Variants in USP45 observed in about 807,000 individuals in gnomAD.
USP45 encodes the protein ubiquitin carboxyl-terminal hydrolase 45.
Under a neutral mutation model 95.8 loss-of-function variants are expected in USP45, and 89 were observed. The observed-to-expected ratio is 0.93, with a 90% CI of 0.78 to 1.11. The LOEUF (loss-of-function observed/expected upper bound fraction) is 1.11. USP45 is among the 50% of genes least tolerant of loss of function. The pLI is 0.00. For missense variants in USP45, 898 were observed against 942.5 expected (o/e 0.95, Z 0.62); for synonymous variants, 281 against 316.2 (o/e 0.89, Z 1.18).
intron 8 of USP45, chr6:99,482,143 T>G (rs921380573): frequency 3.3e-5 from 5 of 152,218 alleles, no homozygotes; most frequent in African/African-American, 1.2e-4. Flanking sequence ...GTGAGTTCCA[T>G]GAGGACAGGG....
chr6:99,515,488 C>A (rs1001134031), upstream of USP45: 1 of 152,140 alleles, frequency 6.6e-6, no homozygotes, highest in African/African-American at 2.4e-5. Context: ...CGCCCGCCCC[C>A]AGCCAGGACC....
At chr6:99,437,639 G>A (rs149859487) in intron 16 of USP45, among the ~76,000 whole-genome samples, 1 of 152,266 alleles carries the variant, frequency 6.6e-6, no homozygotes, top group African/African-American at 2.4e-5. Context: ...CAATCCCTAT[G>A]CAGGGATGTT....
rs1787388568 is a variant in USP45 at position 99,464,479 on chromosome 6, T to G, written c.1308+125A>C. On this transcript the variant is annotated intron_variant, in intron 13 of 17. Coordinates refer to ENST00000500704, the MANE Select transcript of USP45 (RefSeq NM_001346022.3). Reference sequence around the variant, plus strand: ...AGTATACAAGTAGCCAAGTTGATAATTATGAAGCCAAAAAATGGGTACATG... The same window carrying G: ...AGTATACAAGTAGCCAAGTTGATAAGTATGAAGCCAAAAAATGGGTACATG... 5.8e-6 allele frequency: 6 copies of G among 1,026,010 alleles called. No homozygotes were observed. In the South Asian group the frequency reaches 1.2e-4, roughly 20 times the overall value. 63.6% of individuals were successfully genotyped at this position (1,026,010 alleles called of 1,614,324 possible).
intron 7 of USP45, among the ~76,000 whole-genome samples, chr6:99,484,232 C>G (rs977298735): frequency 1.3e-5 from 2 of 151,094 alleles, no homozygotes; most frequent in Non-Finnish European, 3.0e-5. Context: ...TGCAGTGGTG[C>G]GGTCAGCTCA....
At chr6:99,476,853 A>C (rs923000094) in intron 8 of USP45, among the ~76,000 whole-genome samples, 68 of 152,350 alleles carry the variant, frequency 4.5e-4, no homozygotes, top group African/African-American at 1.6e-3. Flanking sequence ...TCTCCCTGTG[A>C]ATATGTTTTT....
chr6:99,438,755 C>G (rs1194159183), intron 16 of USP45, among the ~76,000 whole-genome samples: 1 of 151,966 alleles, frequency 6.6e-6, no homozygotes, highest in East Asian at 1.9e-4. Flanking sequence ...TGAAATGATT[C>G]CTGATGTTTG....
upstream of USP45, chr6:99,515,424 G>A (rs1257621671): frequency 6.6e-6 from 1 of 152,308 alleles, no homozygotes; most frequent in African/African-American, 2.4e-5. Context: ...TCTACAACCT[G>A]GGGAGACTGC....
upstream of USP45, among the ~76,000 whole-genome samples, chr6:99,517,211 T>G (rs1456308059): frequency 8.7e-6 from 1 of 115,522 alleles, no homozygotes; most frequent in Non-Finnish European, 2.0e-5. Context: ...GAAATTATTT[T>G]TAAATATTAC....
intron 1 of USP45, among the ~76,000 whole-genome samples, chr6:99,511,370 G>C (rs996799503): frequency 6.6e-6 from 1 of 151,470 alleles, no homozygotes; most frequent in African/African-American, 2.4e-5. Flanking sequence ...AGTCAGAATG[G>C]TCTCGATCTC....
intron 3 of USP45, among the ~76,000 whole-genome samples, chr6:99,508,040 A>C (rs1056530450): frequency 6.6e-6 from 1 of 152,134 alleles, no homozygotes; most frequent in African/African-American, 2.4e-5. Context: ...CACAACCATG[A>C]GGTTGAGGAT....
At chr6:99,459,052 C>T (rs1371667544) in intron 13 of USP45, among the ~76,000 whole-genome samples, 2 of 152,116 alleles carry the variant, frequency 1.3e-5, no homozygotes. Context: ...AAACTTGTGT[C>T]ACAGGGGTTT....
chr6:99,487,022 G>A (rs1346738177), intron 7 of USP45, among the ~76,000 whole-genome samples: 1 of 152,172 alleles, frequency 6.6e-6, no homozygotes, highest in African/African-American at 2.4e-5. Context: ...GTAAGAGAGT[G>A]CTGTAAAGAA....
intron 13 of USP45, among the ~76,000 whole-genome samples, chr6:99,460,617 T>C (rs1786203620): frequency 6.6e-6 from 1 of 152,210 alleles, no homozygotes; most frequent in African/African-American, 2.4e-5. Context: ...AATACAGCGT[T>C]TTCCTCAAAT....
At chr6:99,485,554 G>A (rs934310030) in intron 7 of USP45, among the ~76,000 whole-genome samples, 1 of 152,160 alleles carries the variant, frequency 6.6e-6, no homozygotes, top group Non-Finnish European at 1.5e-5. Flanking sequence ...GGTTACTCAT[G>A]TGGGTTAGGG....
intron 16 of USP45, among the ~76,000 whole-genome samples, chr6:99,438,416 G>A (rs554603662): frequency 5.3e-5 from 8 of 152,144 alleles, no homozygotes; most frequent in Non-Finnish European, 1.0e-4. Context: ...CAAACAGGTA[G>A]AATGTCATGG....
In USP45 at chr6:99,475,282, G is replaced by A. The variant is rs537265098; in HGVS notation, c.933+861C>T. On this transcript the variant is annotated intron_variant, in intron 9 of 17. Coordinates refer to ENST00000500704, the MANE Select transcript of USP45 (RefSeq NM_001346022.3). ...TTTCCTGTTCCTATATCCCCCTATC[G>A]CCCAGGAATAATATCTCCCTGCATC... Among the ~76,000 whole-genome samples the A allele has an allele frequency of 2.2e-3, 332 of 148,494 alleles. 4 individuals carry two copies. The highest frequency in any genetic ancestry group is 7.9e-3 in the African/African-American group (317 of 40,328).
rs773687208 is a variant in USP45, at chr6:99,484,004, G to GTTTTTTTTTT, written c.715-1131_715-1122dup. 1.4e-3 allele frequency among the ~76,000 whole-genome samples: 126 copies of GTTTTTTTTTT among 91,452 alleles called. 17 individuals are homozygous for GTTTTTTTTTT. Among genetic ancestry groups the GTTTTTTTTTT allele is most frequent in the Middle Eastern group, 0.014 (1 of 72 alleles). 60.0% of individuals were successfully genotyped at this position (91,452 alleles called of 152,430 possible). A position where few individuals can be genotyped will look rare whatever the true frequency, so the allele number is the denominator to read the frequency against. On this transcript the variant is annotated intron_variant, in intron 7 of 17. Coordinates refer to ENST00000500704, the MANE Select transcript of USP45 (RefSeq NM_001346022.3). ...AAAGGACAGGCTATAATTTTCCATA[G>GTTTTTTTTTT]TTTTTTTTTTTTTTTTTTTTTAAAG... is the stretch of plus-strand genomic sequence containing the variant.
intron 13 of USP45, among the ~76,000 whole-genome samples, chr6:99,446,890 T>A (rs1782662043): frequency 6.6e-6 from 1 of 152,200 alleles, no homozygotes; most frequent in Non-Finnish European, 1.5e-5. Flanking sequence ...ACTACAAGTA[T>A]GTACCACCAT....
chr6:99,455,990 G>A (rs534136669), intron 13 of USP45, among the ~76,000 whole-genome samples: 101 of 151,562 alleles, frequency 6.7e-4, no homozygotes, highest in Non-Finnish European at 3.4e-4. Context: ...AAAATTAACC[G>A]GGCTTGATGG....
Sources: gnomAD v4.1 joint callset for allele counts (sites outside exome capture counted in the v4.1 genomes callset) on GRCh38, gnomAD v4.1.1 for gene constraint, MANE v1.5 for transcripts, NCBI Gene and HGNC (gene_info 2026-07-23, HGNC 2026-07-21) for gene names.